EPHA10: variants seen among roughly 807,000 people sequenced by gnomAD.
EPHA10 encodes ephrin type-A receptor 10.
A neutral mutation model predicts 109.7 loss-of-function variants in EPHA10; 120 were observed. The observed-to-expected ratio is 1.09, with a 90% confidence interval of 0.94 to 1.27. The LOEUF is 1.27. Among genes scored for constraint, EPHA10 ranks in the 50% most tolerant of loss-of-function variants. EPHA10 has a pLI of 0.00. For synonymous variants in EPHA10, 640 were observed against 618.9 expected, an observed-to-expected ratio of 1.03 and a Z score of -0.51; for missense variants, 1,396 against 1,411.1, an observed-to-expected ratio of 0.99 and a Z score of 0.17.
Position 37,719,461 on chromosome 1 carries a change from C to A in EPHA10, c.2709G>T (p.Met903Ile). The A allele has an allele frequency of 6.2e-7, 1 of 1,613,940 alleles. No homozygotes were observed. The highest frequency in any genetic ancestry group is 8.5e-7 in the Non-Finnish European group (1 of 1,180,006). The change falls in exon 15 of 17, where the codon ATG becomes ATT. Residue 903 changes from methionine to isoleucine, a missense_variant. By Grantham distance (10) the Met-to-Ile change is conservative. Coordinates refer to ENST00000373048, the MANE Select transcript of EPHA10 (RefSeq NM_001099439.2). ...ACTTGGGGGGCTCTGGGTCCTGCAC[C>A]ATCTTGCTCAGGATGCTGTGGATCT... ...FSQIHSILSKMVQDPEPPKCA... is the reference protein window; with the variant it reads ...FSQIHSILSKIVQDPEPPKCA...
Position 37,761,483 on chromosome 1 carries a change from C to G in EPHA10, c.772G>C (p.Ala258Pro). The change falls in exon 3 of 17, where the codon GCC (alanine) becomes CCC (proline). Residue 258 changes from alanine (A) to proline (P), a missense_variant. Physicochemically the swap from Ala to Pro is conservative, Grantham distance 27. Coordinates refer to ENST00000373048, the MANE Select transcript of EPHA10 (RefSeq NM_001099439.2). The stretch of plus-strand genomic sequence containing the variant: ...ACAGGCACCAGCCACTCGCCGTCGG[C>G]GCCGCAGTGCATGCGTGGGGGGCTG... ...PGSPPRMHCGADGEWLVPVGR... is the reference protein window; with the variant it reads ...PGSPPRMHCGPDGEWLVPVGR... 6.2e-7 allele frequency: 1 copy of G among 1,600,478 alleles called. No individual in the cohort carries two copies. Among genetic ancestry groups the G allele is most frequent in the Non-Finnish European group, 8.5e-7 (1 of 1,179,462 alleles).
rs112155506 is a variant in EPHA10, at chr1:37,729,872, C to CA, written c.1663+1538dup. On this transcript the variant is annotated intron_variant, in intron 7 of 16. Transcript: ENST00000373048. ...TGGGTGACACAGTAAGACCCTACCT[C>CA]AAAAAAAAAAAAAAATCTCAATTTG... Among the ~76,000 whole-genome samples the CA allele has an allele frequency of 9.1e-3, 1,230 of 135,844 alleles. 3 individuals carry two copies. Among genetic ancestry groups the CA allele is most frequent in the Non-Finnish European group, 0.012 (723 of 62,498 alleles). The allele number at this position is 135,844 out of a possible 152,430, so 89.1% of individuals were successfully genotyped here. A position where few individuals can be genotyped will look rare whatever the true frequency, so the allele number is the denominator to read the frequency against.
intron 5 of EPHA10, among the ~76,000 whole-genome samples, chr1:37,738,321 C>T (rs757434322): frequency 1.3e-5 from 2 of 151,910 alleles, no homozygotes; most frequent in Non-Finnish European, 2.9e-5. Context: ...GAGCTGAGAT[C>T]GCACCACTGC....
In EPHA10 at chr1:37,734,804, C is replaced by T. The variant is rs1419730367; in HGVS notation, c.1491+453G>A. ...ATGACTGGAATTATAATAACTCATA[C>T]ATTTATTGTTCTGGAAAGCTGGCTG... On this transcript the variant is annotated intron_variant, in intron 6 of 16. Transcript: ENST00000373048. The T allele has an allele frequency of 2.0e-5, 7 of 343,788 alleles. No homozygotes were observed. The Middle Eastern group carries it at 1.2e-3, about 57-fold the overall frequency. 21.3% of individuals were successfully genotyped at this position (343,788 alleles called of 1,614,324 possible).
Position 37,754,467 on chromosome 1 carries a change from G to A in EPHA10, c.851-97C>T. Reference sequence around the variant, plus strand: ...GGCAGCGTTTATCTCCTCCAATTGCGATAGAAAAACAGTCAGGGGACTCAG... The same window carrying A: ...GGCAGCGTTTATCTCCTCCAATTGCAATAGAAAAACAGTCAGGGGACTCAG... On this transcript the variant is annotated intron_variant, in intron 3 of 16. Transcript: ENST00000373048. The surrounding 1 kb of genome is among the most constrained non-coding windows in gnomAD (Gnocchi z 4.5). 1 of 1,164,260 alleles carries A rather than the reference G, an allele frequency of 8.6e-7. No individual in the cohort carries two copies. Among genetic ancestry groups the A allele is most frequent in the Non-Finnish European group, 1.1e-6 (1 of 920,644 alleles). The allele number at this position is 1,164,260 out of a possible 1,614,324, so 72.1% of individuals were successfully genotyped here. A position where few individuals can be genotyped will look rare whatever the true frequency, so the allele number is the denominator to read the frequency against.
intron 7 of EPHA10, among the ~76,000 whole-genome samples, chr1:37,730,654 C>A (rs957215179): frequency 1.3e-5 from 2 of 151,990 alleles, no homozygotes; most frequent in African/African-American, 4.8e-5. Context: ...ATTGAGATAT[C>A]GTTCGCATAC....
chr1:37,721,193 G>T (rs1645788713), intron 11 of EPHA10, among the ~76,000 whole-genome samples: 1 of 151,564 alleles, frequency 6.6e-6, no homozygotes, highest in African/African-American at 2.4e-5. Context: ...GCCGAGGCAG[G>T]TGGATCACGA....
At chr1:37,753,514 C>G (rs1217245208) in intron 4 of EPHA10, among the ~76,000 whole-genome samples, 1 of 149,076 alleles carries the variant, frequency 6.7e-6, no homozygotes, top group Non-Finnish European at 1.5e-5. Flanking sequence ...GCCGTGGGAG[C>G]CAGTGGGCAT....
chr1:37,726,228 A>G (rs1338969456), intron 8 of EPHA10, among the ~76,000 whole-genome samples: 2 of 152,136 alleles, frequency 1.3e-5, no homozygotes, highest in African/African-American at 4.8e-5. Flanking sequence ...TGGACCCTTC[A>G]TGCTCCACGA....
chr1:37,748,366 T>C (rs769882398), intron 5 of EPHA10, among the ~76,000 whole-genome samples: 41 of 152,106 alleles, frequency 2.7e-4, no homozygotes, highest in Non-Finnish European at 4.7e-4. Context: ...AATAAATAAA[T>C]AAACAAATAA....
chr1:37,714,245 C>G (rs529187315), downstream of EPHA10: 1 of 152,330 alleles, frequency 6.6e-6, no homozygotes, highest in Non-Finnish European at 1.5e-5. Flanking sequence ...CCTTCCGCAG[C>G]CTAAAGAACA....
rs145373190 is a variant in EPHA10, at chr1:37,753,552, G to C, written c.1007-326C>G. Among the ~76,000 whole-genome samples the C allele has an allele frequency of 6.3e-3, 959 of 151,660 alleles. 10 individuals carry two copies. The highest frequency in any genetic ancestry group is 0.022 in the African/African-American group (923 of 41,270). On this transcript the variant is annotated intron_variant, in intron 4 of 16. Coordinates refer to ENST00000373048, the MANE Select transcript of EPHA10 (RefSeq NM_001099439.2). The stretch of plus-strand genomic sequence containing the variant: ...GGGATAGGAAGGTGTGAGGGGTCTG[G>C]GGTGGGAGGAATGGGGGCGTGGGGT...
Position 37,716,426 on chromosome 1 carries a change from A to T in EPHA10, c.*1946T>A, listed in dbSNP as rs1443541906. On this transcript the variant is annotated 3_prime_UTR_variant, in exon 17 of 17. Transcript: ENST00000373048. The stretch of plus-strand genomic sequence containing the variant: ...TCCAGGCTTCCCAGGAGGGGTGGGG[A>T]AGGCGGATCCTGGAGGGCACCTGGC... The T allele has an allele frequency of 4.3e-6, 1 of 234,192 alleles. No individual in the cohort carries two copies. The highest frequency in any genetic ancestry group is 2.2e-5 in the African/African-American group (1 of 45,276). The allele number at this position is 234,192 out of a possible 1,614,324, so 14.5% of individuals were successfully genotyped here. A position where few individuals can be genotyped will look rare whatever the true frequency, so the allele number is the denominator to read the frequency against.
intron 7 of EPHA10, among the ~76,000 whole-genome samples, chr1:37,727,743 A>G (rs967324823): frequency 6.6e-6 from 1 of 152,186 alleles, no homozygotes; most frequent in African/African-American, 2.4e-5. Context: ...GAAATTACAT[A>G]ATTTGCCCAA....
At position 37,719,461 on chromosome 1, in the gene EPHA10, C is replaced by T. The variant is rs1016455110; in HGVS notation, c.2709G>A (p.Met903Ile). The change falls in exon 15 of 17, where the codon ATG becomes ATA. Residue 903 changes from methionine (M) to isoleucine (I), a missense_variant. Met to Ile is a conservative substitution (Grantham distance 10). Transcript: ENST00000373048. ...ACTTGGGGGGCTCTGGGTCCTGCAC[C>T]ATCTTGCTCAGGATGCTGTGGATCT... ...FSQIHSILSK[M>I]VQDPEPPKCA... 8.1e-6 allele frequency: 13 copies of T among 1,613,822 alleles called. No homozygotes were observed. Among genetic ancestry groups the T allele is most frequent in the African/African-American group, 1.3e-5 (1 of 74,908 alleles).
intron 5 of EPHA10, among the ~76,000 whole-genome samples, chr1:37,745,915 A>G (rs952958199): frequency 6.6e-6 from 1 of 151,952 alleles, no homozygotes; most frequent in Non-Finnish European, 1.5e-5. Context: ...TTCATAACAA[A>G]AATTTATTTT....
chr1:37,743,779 A>G (rs1287781540), intron 5 of EPHA10, among the ~76,000 whole-genome samples: 1 of 152,232 alleles, frequency 6.6e-6, no homozygotes, highest in Non-Finnish European at 1.5e-5. Context: ...AAGGTATGAT[A>G]TCTGGCAGGC....
chr1:37,723,647 A>G (rs1053430414), intron 8 of EPHA10, among the ~76,000 whole-genome samples: 1 of 152,132 alleles, frequency 6.6e-6, no homozygotes, highest in Non-Finnish European at 1.5e-5. Flanking sequence ...GAGGCACCCA[A>G]TCCACATCCT....
rs1646357903 is a variant in EPHA10, at chr1:37,753,227, C to T, written c.1007-1G>A. ...AGGTCCCGCGGCGCCGACGGCGGCC[C>T]TGAGGCGGCACAGGGGCGGGGCGGT... On this transcript the variant is annotated splice_acceptor_variant, in intron 4 of 16. Transcript: ENST00000373048. LOFTEE classifies it high-confidence loss of function. The T allele has an allele frequency of 8.1e-7, 1 of 1,240,310 alleles. No homozygotes were observed. Among genetic ancestry groups the T allele is most frequent in the South Asian group, 2.1e-5 (1 of 47,070 alleles). 76.8% of individuals were successfully genotyped at this position (1,240,310 alleles called of 1,614,324 possible).
Sources: gnomAD v4.1 joint callset for allele counts (sites outside exome capture counted in the v4.1 genomes callset) on GRCh38, gnomAD v4.1.1 for gene constraint, Gnocchi (gnomAD v3.1) non-coding constraint, MANE v1.5 for transcripts, NCBI Gene and HGNC (gene_info 2026-07-23, HGNC 2026-07-21) for gene names.